SLC45A1: variants seen among roughly 807,000 people sequenced by gnomAD.
SLC45A1 encodes the protein solute carrier family 45 member 1.
In SLC45A1, 28 loss-of-function variants were observed where a neutral mutation model predicts 57.6. The ratio of observed to expected loss-of-function variants is 0.49; its 90% CI spans 0.36 to 0.67. SLC45A1 has a LOEUF of 0.67. SLC45A1 is among the 30% of genes least tolerant of loss of function. SLC45A1 has a pLI of 0.00. For synonymous variants in SLC45A1, 459 were observed against 471.5 expected (o/e 0.97, Z 0.34); for missense variants, 814 against 1,041.5 (o/e 0.78, Z 3.01).
intron 5 of SLC45A1, among the ~76,000 whole-genome samples, chr1:8,334,054 C>G (rs1477900095): frequency 6.6e-6 from 1 of 152,218 alleles, no homozygotes; most frequent in African/African-American, 2.4e-5. Flanking sequence ...GGTAATTAAT[C>G]TGGTCTTTGT....
intron 6 of SLC45A1, among the ~76,000 whole-genome samples, chr1:8,337,541 C>T (rs1321920695): frequency 6.6e-6 from 1 of 152,214 alleles, no homozygotes; most frequent in African/African-American, 2.4e-5. Flanking sequence ...GCCTCAGCCT[C>T]CCGAGTAGCT....
At chr1:8,339,868 C>G (rs1350627783) in intron 8 of SLC45A1, among the ~76,000 whole-genome samples, 170 bp downstream of exon 8, 1 of 152,220 alleles carries the variant, frequency 6.6e-6, no homozygotes, top group Non-Finnish European at 1.5e-5. Context: ...GGCGTGCCCC[C>G]TGCCTGTAAT....
At position 8,325,883 on chromosome 1, in the gene SLC45A1, A is replaced by G; in HGVS notation, c.556A>G (p.Thr186Ala). Residue 186 changes from threonine (T) to alanine (A), a missense_variant, in exon 4 of 9, where the codon ACC (threonine) becomes GCC (alanine). Physicochemically the swap from Thr to Ala is moderately conservative, Grantham distance 58 (BLOSUM62 0). Transcript: ENST00000471889. The surrounding 1 kb of genome is among the most constrained non-coding windows in gnomAD (Gnocchi z 6.3). ...CATTGGCATCGCCCTGGCTGACGTG[A>G]CCGGGAACCACAAGTGGGGCCTGCT... The part of the protein sequence containing the change: ...RDIGIALADV[T>A]GNHKWGLLLT... 1 of 1,614,030 alleles carries G rather than the reference A, an allele frequency of 6.2e-7. No homozygotes were observed. The highest frequency in any genetic ancestry group is 8.5e-7 in the Non-Finnish European group (1 of 1,180,038).
chr1:8,323,798 C>T (rs956520695), intron 1 of SLC45A1, among the ~76,000 whole-genome samples: 10 of 152,204 alleles, frequency 6.6e-5, no homozygotes, highest in Non-Finnish European at 1.5e-4. Flanking sequence ...AGAGGACTGG[C>T]TCTGACTCTA....
chr1:8,329,033 G>GTA (rs1481615021), intron 4 of SLC45A1, among the ~76,000 whole-genome samples: 12 of 152,064 alleles, frequency 7.9e-5, no homozygotes, highest in Non-Finnish European at 1.6e-4. Flanking sequence ...GAAGAACAGA[G>GTA]GCAGAGAAGG....
At chr1:8,340,165 C>CTTTTT in intron 8 of SLC45A1, among the ~76,000 whole-genome samples, 1 of 141,870 alleles carries the variant, frequency 7.0e-6, no homozygotes, top group African/African-American at 2.6e-5. Flanking sequence ...TTCTTTCTTT[C>CTTTTT]TTTTTTTTTT....
chr1:8,331,024 T>C (rs1046464814), intron 5 of SLC45A1, 88 bp downstream of exon 5: 2 of 1,464,574 alleles, frequency 1.4e-6, no homozygotes, highest in African/African-American at 1.4e-5. Flanking sequence ...GGAGAGTCCC[T>C]CCAGGAAGAA....
In SLC45A1 at chr1:8,343,876, A is replaced by G. The variant is rs780720218; in HGVS notation, c.2110A>G (p.Ser704Gly). 1 of 1,614,150 alleles carries G rather than the reference A, an allele frequency of 6.2e-7. No homozygotes were observed. Among genetic ancestry groups the G allele is most frequent in the Non-Finnish European group, 8.5e-7 (1 of 1,180,006 alleles). ...VLGPLTSAVG[S>G]ANGVMYFSSL... ...GGGGCCCCTGACCTCGGCCGTGGGC[A>G]GTGCCAACGGGGTGATGTACTTCTC... The change falls in exon 9 of 9, where the codon AGT becomes GGT. Residue 704 changes from serine (S) to glycine (G), a missense_variant. Ser to Gly is a moderately conservative substitution (Grantham distance 56). Transcript: ENST00000471889. This position sits in a 1 kb window ranked among gnomAD's most constrained non-coding sequence, Gnocchi z 7.7.
At chr1:8,320,432 CAGGAGTTTG>C (rs1639967170) in intron 1 of SLC45A1, among the ~76,000 whole-genome samples, 1 of 152,116 alleles carries the variant, frequency 6.6e-6, no homozygotes, top group Non-Finnish European at 1.5e-5. Flanking sequence ...CACTTGAGCC[CAGGAGTTTG>C]AGGCCAGCCT....
In SLC45A1 at chr1:8,326,312, G is replaced by A. The variant is rs1640201948; in HGVS notation, c.715+270G>A. 6.6e-6 allele frequency among the ~76,000 whole-genome samples: 1 copy of A among 152,178 alleles called. No individual in the cohort carries two copies. Among genetic ancestry groups the A allele is most frequent in the Non-Finnish European group, 1.5e-5 (1 of 68,028 alleles). On this transcript the variant is annotated intron_variant, in intron 4 of 8. Transcript: ENST00000471889. The surrounding 1 kb of genome is among the most constrained non-coding windows in gnomAD (Gnocchi z 5.5). The stretch of plus-strand genomic sequence containing the variant: ...TCATTGTTTGAGGTAGTTATGTTCT[G>A]CAGAGTCACCACAAACACTGAATTA...
chr1:8,340,381 C>A (rs1335095933), intron 8 of SLC45A1, among the ~76,000 whole-genome samples: 1 of 152,096 alleles, frequency 6.6e-6, no homozygotes, highest in Non-Finnish European at 1.5e-5. Flanking sequence ...TCAGGCTGGT[C>A]TCAATCTCTT....
intron 5 of SLC45A1, among the ~76,000 whole-genome samples, chr1:8,334,580 G>A (rs920835714): frequency 1.3e-5 from 2 of 152,166 alleles, no homozygotes; most frequent in Admixed American, 1.3e-4. Context: ...GTGCTCGCCT[G>A]TAGTCCCAGC....
chr1:8,334,231 A>C (rs2124313067), intron 5 of SLC45A1, among the ~76,000 whole-genome samples: 1 of 152,338 alleles, frequency 6.6e-6, no homozygotes, highest in East Asian at 1.9e-4. Flanking sequence ...CATGAGCTAA[A>C]TATAAACGCA....
In SLC45A1 at chr1:8,318,142, C is replaced by A; in HGVS notation, c.-69C>A. 1 of 459,946 alleles carries A rather than the reference C, an allele frequency of 2.2e-6. No individual in the cohort carries two copies. Among genetic ancestry groups the A allele is most frequent in the Admixed American group, 4.3e-5 (1 of 23,376 alleles). The allele number at this position is 459,946 out of a possible 1,614,324, so 28.5% of individuals were successfully genotyped here. ...GCAGCCGGGACCGCGGCCGGGCAGGCAGCAGCCCAGCGGGGACAGGGATGC... is the reference window on the plus strand; with the variant it reads ...GCAGCCGGGACCGCGGCCGGGCAGGAAGCAGCCCAGCGGGGACAGGGATGC... On this transcript the variant is annotated 5_prime_UTR_variant, in exon 1 of 9. Coordinates refer to ENST00000471889, the MANE Select transcript of SLC45A1 (RefSeq NM_001080397.3).
chr1:8,324,058 T>C (rs974182973), intron 1 of SLC45A1, among the ~76,000 whole-genome samples: 2 of 152,126 alleles, frequency 1.3e-5, no homozygotes, highest in African/African-American at 4.8e-5. Context: ...GATGGTCCCT[T>C]TGAGTTTGAG....
Position 8,343,784 on chromosome 1 carries a change from T to G in SLC45A1, c.2018T>G (p.Met673Arg). The change falls in exon 9 of 9, where the codon ATG (methionine) becomes AGG (arginine). Residue 673 changes from methionine (M) to arginine (R), a missense_variant. Coordinates refer to ENST00000471889, the MANE Select transcript of SLC45A1 (RefSeq NM_001080397.3). This position sits in a 1 kb window ranked among gnomAD's most constrained non-coding sequence, Gnocchi z 7.7. ...AGTGCGGACGGCACCCGGCGGGGCA[T>G]GGGCGTGGACATCTCTCTGCTGAGC... is the stretch of plus-strand genomic sequence containing the variant. Reference protein sequence around the residue: ...GSSADGTRRGMGVDISLLSCQ... With the variant: ...GSSADGTRRGRGVDISLLSCQ... 1 of 1,613,924 alleles carries G rather than the reference T, an allele frequency of 6.2e-7. No individual in the cohort carries two copies. The highest frequency in any genetic ancestry group is 2.2e-5 in the East Asian group (1 of 44,854).
At position 8,324,735 on chromosome 1, in the gene SLC45A1, C is replaced by T. The variant is rs927472569; in HGVS notation, c.397+9C>T. On this transcript the variant is annotated intron_variant, in intron 2 of 8. Transcript: ENST00000471889. ...CATCAGCCCCATCCTCGGTGAGCCC[C>T]GGCTCCTCCCCGATGGTGGAGGGCC... The T allele has an allele frequency of 1.5e-5, 23 of 1,568,982 alleles. No homozygotes were observed. The highest frequency in any genetic ancestry group is 2.3e-5 in the East Asian group (1 of 43,242).
chr1:8,322,559 G>C (rs1344899382), intron 1 of SLC45A1, among the ~76,000 whole-genome samples: 8 of 152,096 alleles, frequency 5.3e-5, no homozygotes. Context: ...GGTGGTGGAA[G>C]AGTTTTGGAT....
chr1:8,336,149 C>G (rs1015915351), intron 6 of SLC45A1: 1 of 152,332 alleles, frequency 6.6e-6, no homozygotes, highest in South Asian at 2.1e-4. Context: ...CGGTGGCTCA[C>G]GCCTGTAATC....
Sources: gnomAD v4.1 joint callset for allele counts (sites outside exome capture counted in the v4.1 genomes callset) on GRCh38, gnomAD v4.1.1 for gene constraint, Gnocchi (gnomAD v3.1) non-coding constraint, MANE v1.5 for transcripts, NCBI Gene and HGNC (gene_info 2026-07-23, HGNC 2026-07-21) for gene names.